Variants in CLVS1 observed in about 807,000 individuals in gnomAD.
CLVS1 encodes the protein clavesin-1.
CLVS1 carries 10 observed loss-of-function variants against 33.1 expected under a neutral mutation model. That is an observed-to-expected ratio of 0.30 (90% CI 0.19 to 0.51). The LOEUF is 0.51. Ranked by LOEUF, CLVS1 falls within the 20% of genes least tolerant of loss-of-function variation. The probability of loss-of-function intolerance (pLI) is 0.97; values close to 1 mark genes in which losing one functional copy is unlikely to be tolerated. For missense variants in CLVS1, 343 were observed against 433.4 expected, an observed-to-expected ratio of 0.79 and a Z score of 1.85; for synonymous variants, 163 against 166.1, an observed-to-expected ratio of 0.98 and a Z score of 0.14.
chr8:61,068,460 G>T (rs1420284378), intron 1 of CLVS1, among the ~76,000 whole-genome samples: 2 of 151,802 alleles, frequency 1.3e-5, no homozygotes, highest in South Asian at 2.1e-4. Flanking sequence ...TCTAACTGGT[G>T]GCCCTCAAGC....
At chr8:61,091,176 G>C (rs1359880315) in intron 1 of CLVS1, among the ~76,000 whole-genome samples, 1 of 152,210 alleles carries the variant, frequency 6.6e-6, no homozygotes, top group Non-Finnish European at 1.5e-5. Context: ...GTGAAGCACA[G>C]AGGAGAAGGC....
chr8:61,405,888 C>T (rs975741249), intron 3 of CLVS1, among the ~76,000 whole-genome samples: 5 of 152,076 alleles, frequency 3.3e-5, no homozygotes, highest in African/African-American at 1.2e-4. Context: ...AAAGTGGTCT[C>T]ATGGATCCCT....
chr8:61,053,225 C>T (rs1804415783), upstream of CLVS1, among the ~76,000 whole-genome samples: 1 of 152,004 alleles, frequency 6.6e-6, no homozygotes. Flanking sequence ...ATTTGGGTGC[C>T]CACAGCAAGT....
chr8:61,482,289 C>T (rs865948146), intron 5 of CLVS1, among the ~76,000 whole-genome samples: 38 of 152,314 alleles, frequency 2.5e-4, no homozygotes, highest in Middle Eastern at 3.4e-3. Context: ...AATCAGAGTG[C>T]CTCTTCTCCT....
At chr8:61,174,217 A>G (rs1807066795) in intron 2 of CLVS1, among the ~76,000 whole-genome samples, 1 of 152,222 alleles carries the variant, frequency 6.6e-6, no homozygotes. Context: ...ACAAAAAAGC[A>G]GGAAAATACA....
intron 2 of CLVS1, among the ~76,000 whole-genome samples, chr8:61,209,114 C>T (rs1178657705): frequency 2.0e-5 from 3 of 152,186 alleles, no homozygotes; most frequent in African/African-American, 7.2e-5. Flanking sequence ...CTCTCCATTG[C>T]TAAAATATCA....
chr8:61,376,531 C>A (rs1585882872), intron 2 of CLVS1, 74 bp from the exon 3 acceptor site: 1 of 1,442,168 alleles, frequency 6.9e-7, no homozygotes, highest in East Asian at 2.3e-5. Context: ...CATGCGGAGG[C>A]CAGCACTGTT....
chr8:61,222,883 C>T (rs1200977779), intron 2 of CLVS1, among the ~76,000 whole-genome samples: 4 of 149,002 alleles, frequency 2.7e-5, no homozygotes, highest in African/African-American at 7.4e-5. Context: ...ATAGTTAGCT[C>T]TTTTTGTTGA....
chr8:61,390,950 T>G (rs974168856), intron 3 of CLVS1: 4 of 151,180 alleles, frequency 2.6e-5, no homozygotes, highest in African/African-American at 9.7e-5. Context: ...TATATAAAAC[T>G]CACTAGTGTT....
intron 2 of CLVS1, among the ~76,000 whole-genome samples, chr8:61,221,240 G>T (rs1303992510): frequency 2.6e-5 from 4 of 152,200 alleles, no homozygotes; most frequent in Non-Finnish European, 5.9e-5. Context: ...AGTGGTGAAA[G>T]AGGGCATCCT....
intron 5 of CLVS1, among the ~76,000 whole-genome samples, chr8:61,493,442 T>G (rs1202806363): frequency 6.6e-6 from 1 of 152,184 alleles, no homozygotes; most frequent in East Asian, 1.9e-4. Context: ...AGCTAAACAC[T>G]TTCCACACCT....
chr8:61,012,479 C>T, the CLVS1 span, among the ~76,000 whole-genome samples: 1 of 152,220 alleles, frequency 6.6e-6, no homozygotes. Context: ...GAAGGAGATA[C>T]AGCCCGAGAG....
Position 61,162,756 on chromosome 8 carries a change from G to C in CLVS1, c.-152+30896G>C, listed in dbSNP as rs574898517. 8.5e-5 allele frequency among the ~76,000 whole-genome samples: 13 copies of C among 152,234 alleles called. No homozygotes were observed. In the East Asian group the frequency reaches 2.1e-3, roughly 25 times the overall value. On this transcript the variant is annotated intron_variant, in intron 2 of 2. Coordinates refer to the CLVS1 transcript ENST00000522621. ...GTTTGTCACAAAGAAGAAAACTATT[G>C]GGTACAACATGGGCCTAAGGCCCTT... is the stretch of plus-strand genomic sequence containing the variant.
At chr8:61,120,747 C>A (rs1402275719) in intron 1 of CLVS1, among the ~76,000 whole-genome samples, 1 of 143,482 alleles carries the variant, frequency 7.0e-6, no homozygotes, top group Non-Finnish European at 1.5e-5. Flanking sequence ...TCTCCAGCTG[C>A]GTGCTGGGAG....
At chr8:61,470,223 AT>A (rs1817687811) in intron 5 of CLVS1, among the ~76,000 whole-genome samples, 1 of 152,222 alleles carries the variant, frequency 6.6e-6, no homozygotes, top group Non-Finnish European at 1.5e-5. Flanking sequence ...GCTGTGTAAC[AT>A]TGGAGTGAAA....
intron 3 of CLVS1, among the ~76,000 whole-genome samples, chr8:61,415,697 T>G (rs1389327016): frequency 6.6e-6 from 1 of 152,098 alleles, no homozygotes; most frequent in East Asian, 1.9e-4. Flanking sequence ...TCCATGCTGT[T>G]TGCTTTCACA....
the CLVS1 span, among the ~76,000 whole-genome samples, chr8:60,975,306 C>A: frequency 6.6e-6 from 1 of 152,160 alleles, no homozygotes; most frequent in Non-Finnish European, 1.5e-5. Context: ...TGATGCAAGA[C>A]AAAATTGCAT....
At chr8:61,127,675 AATTG>A (rs1339084056) in intron 1 of CLVS1, among the ~76,000 whole-genome samples, 1 of 152,234 alleles carries the variant, frequency 6.6e-6, no homozygotes, top group Non-Finnish European at 1.5e-5. Context: ...TTTTGAGCTG[AATTG>A]ATTAACTGAT....
At chr8:61,140,438 A>C (rs1563417880) in intron 2 of CLVS1, among the ~76,000 whole-genome samples, 1 of 152,224 alleles carries the variant, frequency 6.6e-6, no homozygotes. Flanking sequence ...GAAGTGATAC[A>C]CTTGGCTGGT....
Sources: allele counts gnomAD v4.1 joint callset (sites outside exome capture counted in the v4.1 genomes callset), GRCh38; gene constraint gnomAD v4.1.1; transcripts MANE v1.5; gene names NCBI Gene and HGNC (gene_info 2026-07-23, HGNC 2026-07-21).